The following SLC30A7 variants were observed in gnomAD, a reference collection of about 807,000 sequenced individuals.
SLC30A7 encodes zinc transporter 7.
SLC30A7 carries 35 observed loss-of-function variants against 46.0 expected under a neutral mutation model. The ratio of observed to expected loss-of-function variants is 0.76; its 90% CI spans 0.58 to 1.01. The LOEUF (loss-of-function observed/expected upper bound fraction) is 1.01, where lower values mean the gene tolerates loss of function less well. Among genes scored for constraint, SLC30A7 ranks in the 50% least tolerant of loss-of-function variants. The pLI is 0.00. For synonymous variants in SLC30A7, 147 were observed against 157.8 expected, an observed-to-expected ratio of 0.93 and a Z score of 0.51; for missense variants, 464 against 451.1, an observed-to-expected ratio of 1.03 and a Z score of -0.26.
At chr1:100,989,386 C>T in the SLC30A7 span, among the ~76,000 whole-genome samples, 1 of 152,174 alleles carries the variant, frequency 6.6e-6, no homozygotes. Context: ...AATCTTATAA[C>T]CTCCAAAATA....
Position 100,906,959 on chromosome 1 carries a change from C to T in SLC30A7, c.290C>T (p.Ser97Phe). Residue 97 changes from serine to phenylalanine, a missense_variant, in exon 3 of 11, where the codon TCC becomes TTC. Physicochemically the swap from Ser to Phe is radical, Grantham distance 155 (BLOSUM62 -2). Coordinates refer to ENST00000357650, the MANE Select transcript of SLC30A7 (RefSeq NM_133496.5). ...ISKWRDNDAFSYGYVRAEVLA... is the reference protein window; with the variant it reads ...ISKWRDNDAFFYGYVRAEVLA... ...AAATGGAGAGATAATGATGCTTTCT[C>T]CTATGGGTAAGACTTTAAGAAAAAA... 1 of 1,602,440 alleles carries T rather than the reference C, an allele frequency of 6.2e-7. No individual in the cohort carries two copies. The highest frequency in any genetic ancestry group is 8.5e-7 in the Non-Finnish European group (1 of 1,170,034).
intron 2 of SLC30A7, among the ~76,000 whole-genome samples, chr1:100,905,883 T>C (rs1380380131): frequency 6.6e-6 from 1 of 152,256 alleles, no homozygotes; most frequent in Non-Finnish European, 1.5e-5. Flanking sequence ...GGGCCATTTC[T>C]GGTTCTGTTG....
chr1:100,944,924 A>C, intron 8 of SLC30A7, among the ~76,000 whole-genome samples: 1 of 152,144 alleles, frequency 6.6e-6, no homozygotes, highest in Non-Finnish European at 1.5e-5. Flanking sequence ...AAGCGTTCCT[A>C]TTTCTCCACA....
chr1:100,932,813 T>C (rs1201099644), intron 8 of SLC30A7, among the ~76,000 whole-genome samples: 1 of 152,144 alleles, frequency 6.6e-6, no homozygotes, highest in African/African-American at 2.4e-5. Flanking sequence ...ACAGTATAGA[T>C]GGTAATTTAA....
chr1:100,927,006 A>G (rs1286185145), intron 8 of SLC30A7, among the ~76,000 whole-genome samples: 3 of 152,200 alleles, frequency 2.0e-5, no homozygotes, highest in Admixed American at 1.3e-4. Context: ...GGGAACTTCA[A>G]GTATAAACAC....
At chr1:100,957,829 A>G (rs1050108578) in intron 8 of SLC30A7, among the ~76,000 whole-genome samples, 1 of 152,246 alleles carries the variant, frequency 6.6e-6, no homozygotes, top group African/African-American at 2.4e-5. Context: ...TTTTAAGTTT[A>G]ATATATGAAA....
At chr1:100,966,516 C>T (rs758014709) in intron 10 of SLC30A7, among the ~76,000 whole-genome samples, 3 of 151,142 alleles carry the variant, frequency 2.0e-5, no homozygotes, top group African/African-American at 4.9e-5. Flanking sequence ...ACCCAGGAGG[C>T]GGAGCTTGCA....
At chr1:100,958,779 C>G (rs1455434269) in intron 8 of SLC30A7, among the ~76,000 whole-genome samples, 1 of 152,150 alleles carries the variant, frequency 6.6e-6, no homozygotes, top group African/African-American at 2.4e-5. Context: ...GCTGGGTTTA[C>G]AAACATAAAT....
the SLC30A7 span, among the ~76,000 whole-genome samples, chr1:100,993,907 AT>A: frequency 2.6e-5 from 4 of 151,260 alleles, no homozygotes; most frequent in African/African-American, 9.7e-5. Context: ...TGCCTGGCTA[AT>A]TTTTTTTGTA....
intron 8 of SLC30A7, among the ~76,000 whole-genome samples, chr1:100,938,198 G>A (rs550092425): frequency 2.4e-4 from 36 of 152,210 alleles, no homozygotes; most frequent in African/African-American, 8.4e-4. Context: ...AGATTGTTTT[G>A]ACTATTATGG....
At chr1:100,956,086 G>T (rs1306853135) in intron 8 of SLC30A7, among the ~76,000 whole-genome samples, 1 of 151,668 alleles carries the variant, frequency 6.6e-6, no homozygotes. Context: ...AACCACAATT[G>T]ATCCTAATGA....
At chr1:100,972,125 G>C (rs1656194476) in intron 10 of SLC30A7, among the ~76,000 whole-genome samples, 1 of 152,072 alleles carries the variant, frequency 6.6e-6, no homozygotes, top group Non-Finnish European at 1.5e-5. Context: ...CCATTCTAGG[G>C]GTAGAATTTA....
At chr1:100,942,234 T>C (rs548911513) in intron 8 of SLC30A7, among the ~76,000 whole-genome samples, 60 of 152,342 alleles carry the variant, frequency 3.9e-4, no homozygotes, top group Admixed American at 1.1e-3. Flanking sequence ...GGAATGAGAA[T>C]AGTATTAACT....
At chr1:100,905,923 CTT>C (rs1301134983) in intron 2 of SLC30A7, among the ~76,000 whole-genome samples, 5 of 152,118 alleles carry the variant, frequency 3.3e-5, no homozygotes, top group Admixed American at 3.3e-4. Flanking sequence ...ATGAGTCTCT[CTT>C]TTTTTCTTTC....
intron 8 of SLC30A7, among the ~76,000 whole-genome samples, chr1:100,956,502 T>C (rs1655235270): frequency 6.6e-6 from 1 of 152,178 alleles, no homozygotes; most frequent in African/African-American, 2.4e-5. Context: ...AGGTGACTTA[T>C]TAAGAGACTG....
intron 8 of SLC30A7, among the ~76,000 whole-genome samples, chr1:100,925,665 GTGAA>G (rs1362982568): frequency 1.3e-5 from 2 of 152,182 alleles, no homozygotes; most frequent in Non-Finnish European, 2.9e-5. Flanking sequence ...GGGCAACTGA[GTGAA>G]TGAGGTGTCA....
At chr1:100,897,011 G>C (rs908004161) in intron 2 of SLC30A7, among the ~76,000 whole-genome samples, 2 of 151,520 alleles carry the variant, frequency 1.3e-5, no homozygotes, top group Admixed American at 1.3e-4. Context: ...GGAGAAACTT[G>C]TTTGCTGCCT....
intron 8 of SLC30A7, chr1:100,941,583 T>C (rs61780317): frequency 0.16 from 92,700 of 575,538 alleles, 7,856 homozygotes; most frequent in African/African-American, 0.18. Flanking sequence ...CCATACTGTT[T>C]AAAATAATCT....
At chr1:100,974,356 G>A (rs1223190813) in intron 10 of SLC30A7, among the ~76,000 whole-genome samples, 2 of 152,182 alleles carry the variant, frequency 1.3e-5, no homozygotes, top group African/African-American at 2.4e-5. Context: ...CAGTATCCTT[G>A]AGTAGCAAGT....
Sources: gnomAD v4.1 joint callset for allele counts (sites outside exome capture counted in the v4.1 genomes callset) on GRCh38, gnomAD v4.1.1 for gene constraint, MANE v1.5 for transcripts, NCBI Gene and HGNC (gene_info 2026-07-23, HGNC 2026-07-21) for gene names.